ADAMTS2: variants seen among roughly 807,000 people sequenced by gnomAD.
The protein encoded by ADAMTS2 is ADAM metallopeptidase with thrombospondin type 1 motif 2.
Under a neutral mutation model 123.0 loss-of-function variants are expected in ADAMTS2, and 50 were observed. The ratio of observed to expected loss-of-function variants is 0.41; its 90% CI spans 0.32 to 0.51. The LOEUF (loss-of-function observed/expected upper bound fraction) is 0.51, where lower values mean the gene tolerates loss of function less well. Ranked by LOEUF, ADAMTS2 falls within the 20% of genes least tolerant of loss-of-function variation. The probability of loss-of-function intolerance (pLI) is 0.35; values close to 1 mark genes in which losing one functional copy is unlikely to be tolerated. For synonymous variants in ADAMTS2, 678 were observed against 695.4 expected, an observed-to-expected ratio of 0.98 and a Z score of 0.39; for missense variants, 1,494 against 1,705.2, an observed-to-expected ratio of 0.88 and a Z score of 2.18.
intron 3 of ADAMTS2, among the ~76,000 whole-genome samples, chr5:179,245,533 G>A (rs545838445): frequency 1.3e-4 from 19 of 149,642 alleles, no homozygotes; most frequent in East Asian, 8.0e-4. Context: ...TTGGGAGGCC[G>A]AGGCAGGCGG....
At position 179,137,923 on chromosome 5, in the gene ADAMTS2, G is replaced by A; in HGVS notation, c.1797C>T (p.Thr599=). The A allele has an allele frequency of 6.5e-7, 1 of 1,549,798 alleles. No individual in the cohort carries two copies. The highest frequency in any genetic ancestry group is 8.7e-7 in the Non-Finnish European group (1 of 1,148,458). The change falls in exon 12 of 22, where the codon ACC becomes ACT. Residue 599 remains threonine (T), a synonymous_variant. Transcript: ENST00000251582. Reference sequence around the variant, plus strand: ...GGAAGTCGTAGGCAAGGCCCGAGCAGGTGCGGCCCCCGTTGGCCGGGCTGG... The same window carrying A: ...GGAAGTCGTAGGCAAGGCCCGAGCAAGTGCGGCCCCCGTTGGCCGGGCTGG... The part of the protein sequence containing the change: ...DNPHPANGGR[T]CSGLAYDFQL...
rs1269257495 is a variant in ADAMTS2, at chr5:179,332,497, T to C, written c.534+11270A>G. On this transcript the variant is annotated intron_variant, in intron 2 of 21. Coordinates refer to ENST00000251582, the MANE Select transcript of ADAMTS2 (RefSeq NM_014244.5). This position sits in a 1 kb window ranked among gnomAD's most constrained non-coding sequence, Gnocchi z 4.2. ...CTATCACCCTTAACACTCAGGAAATTACAAAGGTTTTAGGAGCTCTGAGGC... is the reference window on the plus strand; with the variant it reads ...CTATCACCCTTAACACTCAGGAAATCACAAAGGTTTTAGGAGCTCTGAGGC... Among the ~76,000 whole-genome samples, 10 of 152,168 alleles carry C rather than the reference T, an allele frequency of 6.6e-5. No individual in the cohort carries two copies. The highest frequency in any genetic ancestry group is 1.3e-4 in the Non-Finnish European group (9 of 68,020).
intron 2 of ADAMTS2, among the ~76,000 whole-genome samples, chr5:179,297,628 A>G (rs556992721): frequency 1.3e-5 from 2 of 152,052 alleles, no homozygotes; most frequent in African/African-American, 4.8e-5. Flanking sequence ...GGGCCCTTGC[A>G]TCATGGGGCA....
chr5:179,341,654 G>T (rs1475011979), intron 2 of ADAMTS2, among the ~76,000 whole-genome samples: 1 of 151,526 alleles, frequency 6.6e-6, no homozygotes, highest in Non-Finnish European at 1.5e-5. Flanking sequence ...CAGAGCGCTT[G>T]CAGTGAGCTG....
At position 179,130,195 on chromosome 5, in the gene ADAMTS2, GGA is replaced by G; in HGVS notation, c.2291-99_2291-98del. 1 of 1,482,494 alleles carries G rather than the reference GGA, an allele frequency of 6.7e-7. No homozygotes were observed. The highest frequency in any genetic ancestry group is 9.3e-7 in the Non-Finnish European group (1 of 1,072,402). The allele number at this position is 1,482,494 out of a possible 1,614,324, so 91.8% of individuals were successfully genotyped here. On this transcript the variant is annotated intron_variant, in intron 15 of 21. Transcript: ENST00000251582. This position sits in a 1 kb window ranked among gnomAD's most constrained non-coding sequence, Gnocchi z 4.3. ...GGTCGGGGAGTGGGGGCAGCTAGCT[GGA>G]CCCCTTGTCTCTCTGGCTGCCCCCG...
intron 2 of ADAMTS2, among the ~76,000 whole-genome samples, chr5:179,274,739 C>T (rs1766649399): frequency 6.6e-6 from 1 of 152,238 alleles, no homozygotes; most frequent in Non-Finnish European, 1.5e-5. Flanking sequence ...CCCCTAGCCT[C>T]AAGTGTAGCG....
intron 2 of ADAMTS2, among the ~76,000 whole-genome samples, chr5:179,280,914 G>A (rs1257678013): frequency 6.6e-6 from 1 of 152,062 alleles, no homozygotes; most frequent in East Asian, 1.9e-4. Context: ...CTGGAGTGCA[G>A]TGGCGCAACC....
intron 5 of ADAMTS2, among the ~76,000 whole-genome samples, chr5:179,163,143 C>T (rs541229524): frequency 6.6e-6 from 1 of 152,254 alleles, no homozygotes; most frequent in East Asian, 1.9e-4. Flanking sequence ...GTCCGCTATC[C>T]TAGTGTGTGG....
intron 1 of ADAMTS2, 97 bp from the exon 2 acceptor site, chr5:179,344,258 T>C: frequency 1.4e-6 from 2 of 1,449,612 alleles, no homozygotes; most frequent in Non-Finnish European, 1.9e-6. Context: ...CCCGCCCCAC[T>C]GCGAAGGGAA....
chr5:179,118,808 T>A lies in ADAMTS2; in HGVS notation c.3178+2853A>T, dbSNP rs1309494951. Among the ~76,000 whole-genome samples, 1 of 152,212 alleles carries A rather than the reference T, an allele frequency of 6.6e-6. No individual in the cohort carries two copies. The highest frequency in any genetic ancestry group is 1.5e-5 in the Non-Finnish European group (1 of 68,040). Reference sequence around the variant, plus strand: ...GAGCAAATGTGAGACAGGCTAAAGCTGGTAGCAAGTGAGGCTTTCTTCCTG... The same window carrying A: ...GAGCAAATGTGAGACAGGCTAAAGCAGGTAGCAAGTGAGGCTTTCTTCCTG... On this transcript the variant is annotated intron_variant, in intron 21 of 21. Coordinates refer to ENST00000251582, the MANE Select transcript of ADAMTS2 (RefSeq NM_014244.5). This position sits in a 1 kb window ranked among gnomAD's most constrained non-coding sequence, Gnocchi z 4.5.
intron 21 of ADAMTS2, chr5:179,121,455 C>T: frequency 4.9e-6 from 2 of 404,464 alleles, no homozygotes; most frequent in Non-Finnish European, 8.9e-6. Flanking sequence ...TCGGCCCCAG[C>T]AGAGGCCCGA....
intron 2 of ADAMTS2, among the ~76,000 whole-genome samples, chr5:179,324,118 G>A (rs1366424277): frequency 6.6e-6 from 1 of 152,186 alleles, no homozygotes; most frequent in Non-Finnish European, 1.5e-5. Context: ...CAGAAGGTAG[G>A]TCAGTGGTTG....
chr5:179,328,463 G>T (rs1757371798), intron 2 of ADAMTS2, among the ~76,000 whole-genome samples: 1 of 152,248 alleles, frequency 6.6e-6, no homozygotes, highest in African/African-American at 2.4e-5. Flanking sequence ...TGAAGCAGGG[G>T]CTGTTGCCAG....
chr5:179,172,037 C>T (rs1386062471), intron 5 of ADAMTS2, among the ~76,000 whole-genome samples: 1 of 152,194 alleles, frequency 6.6e-6, no homozygotes, highest in African/African-American at 2.4e-5. Flanking sequence ...GCTCTGGAAG[C>T]GTGCGTCCAG....
At chr5:179,157,366 C>A (rs1181844812) in intron 6 of ADAMTS2, among the ~76,000 whole-genome samples, 3 of 152,186 alleles carry the variant, frequency 2.0e-5, no homozygotes, top group Non-Finnish European at 4.4e-5. Context: ...AAACAGCCAA[C>A]AGCACTCTCA....
chr5:179,245,443 C>A (rs1402115646), intron 3 of ADAMTS2, among the ~76,000 whole-genome samples: 2 of 152,106 alleles, frequency 1.3e-5, no homozygotes, highest in Non-Finnish European at 2.9e-5. Context: ...AATCAAAAAC[C>A]AACACAAGTT....
At chr5:179,223,525 C>T (rs1304576160) in intron 3 of ADAMTS2, among the ~76,000 whole-genome samples, 1 of 144,998 alleles carries the variant, frequency 6.9e-6, no homozygotes, top group South Asian at 2.2e-4. Flanking sequence ...TGCACTCACA[C>T]ACATGCACTC....
chr5:179,342,104 G>A (rs1289297463), intron 2 of ADAMTS2, among the ~76,000 whole-genome samples: 3 of 152,178 alleles, frequency 2.0e-5, no homozygotes, highest in Non-Finnish European at 4.4e-5. Context: ...CCAGTACAGG[G>A]GATAAACATA....
chr5:179,118,034 G>A lies in ADAMTS2; in HGVS notation c.3178+3627C>T, dbSNP rs1762693473. ...CTCCATAAATGCCCATTGAGTGAGGGGTGGCAGCCCCAGGTGGGGTCCCCC... is the reference window on the plus strand; with the variant it reads ...CTCCATAAATGCCCATTGAGTGAGGAGTGGCAGCCCCAGGTGGGGTCCCCC... On this transcript the variant is annotated intron_variant, in intron 21 of 21. Transcript: ENST00000251582. This position sits in a 1 kb window ranked among gnomAD's most constrained non-coding sequence, Gnocchi z 4.5. Among the ~76,000 whole-genome samples the A allele has an allele frequency of 6.6e-6, 1 of 152,096 alleles. No homozygotes were observed. The highest frequency in any genetic ancestry group is 2.1e-4 in the South Asian group (1 of 4,830).
Sources: allele counts gnomAD v4.1 joint callset (sites outside exome capture counted in the v4.1 genomes callset), GRCh38; gene constraint gnomAD v4.1.1; non-coding constraint Gnocchi (gnomAD v3.1); transcripts MANE v1.5; gene names NCBI Gene and HGNC (gene_info 2026-07-23, HGNC 2026-07-21).